Variants in DOCK3 observed in about 807,000 individuals in gnomAD.
DOCK3 encodes the protein dedicator of cytokinesis protein 3.
DOCK3 carries 60 observed loss-of-function variants against 265.6 expected under a neutral mutation model. The observed-to-expected ratio is 0.23, with a 90% CI of 0.18 to 0.28. The LOEUF is 0.28. Ranked by LOEUF, DOCK3 falls within the 10% of genes least tolerant of loss-of-function variation. DOCK3 has a pLI of 1.00. For synonymous variants in DOCK3, 881 were observed against 938.0 expected (o/e 0.94, Z 1.11); for missense variants, 1,981 against 2,594.3 (o/e 0.76, Z 5.14).
intron 2 of DOCK3, among the ~76,000 whole-genome samples, chr3:50,816,701 T>C (rs2044099174): frequency 6.6e-6 from 1 of 152,184 alleles, no homozygotes; most frequent in African/African-American, 2.4e-5. Flanking sequence ...TAATCTTTTC[T>C]ATGTCTTTAT....
chr3:51,146,412 A>G (rs1279445879), intron 9 of DOCK3, 137 bp from the exon 10 acceptor site: 1 of 777,992 alleles, frequency 1.3e-6, no homozygotes, highest in Non-Finnish European at 2.1e-6. Flanking sequence ...TCCTGCCACT[A>G]GACGTGTGTT....
At chr3:51,070,596 A>G (rs572390032) in intron 6 of DOCK3, among the ~76,000 whole-genome samples, 1 of 152,350 alleles carries the variant, frequency 6.6e-6, no homozygotes, top group Non-Finnish European at 1.5e-5. Flanking sequence ...TATATGTTAT[A>G]TAAATGTAAA....
At chr3:51,005,376 C>T (rs1256571282) in intron 5 of DOCK3, among the ~76,000 whole-genome samples, 1 of 152,140 alleles carries the variant, frequency 6.6e-6, no homozygotes, top group African/African-American at 2.4e-5. Context: ...TATACCCAAT[C>T]CTGCCACTGT....
chr3:51,137,841 T>G (rs1441360716), intron 9 of DOCK3, among the ~76,000 whole-genome samples: 1 of 152,238 alleles, frequency 6.6e-6, no homozygotes, highest in African/African-American at 2.4e-5. Flanking sequence ...AGAGATCAGA[T>G]AGTAACTTAG....
intron 3 of DOCK3, among the ~76,000 whole-genome samples, chr3:50,862,963 G>A (rs1049621101): frequency 1.3e-5 from 2 of 152,202 alleles, no homozygotes; most frequent in Admixed American, 6.5e-5. Context: ...TGCAACAATC[G>A]ATGGGAGCAG....
chr3:51,306,387 T>TA (rs1172447973), intron 27 of DOCK3, among the ~76,000 whole-genome samples: 1 of 152,256 alleles, frequency 6.6e-6, no homozygotes, highest in Non-Finnish European at 1.5e-5. Flanking sequence ...AATGTGGCTC[T>TA]ATGCGAATCT....
At chr3:51,305,301 T>A (rs765683535) in intron 27 of DOCK3, among the ~76,000 whole-genome samples, 15 of 152,342 alleles carry the variant, frequency 9.8e-5, no homozygotes, top group African/African-American at 3.6e-4. Flanking sequence ...TTTATCATTA[T>A]AAAAATATCC....
intron 7 of DOCK3, among the ~76,000 whole-genome samples, chr3:51,084,065 G>C (rs1446390534): frequency 2.0e-5 from 3 of 152,078 alleles, no homozygotes; most frequent in African/African-American, 7.2e-5. Context: ...AGAAAAAAGA[G>C]TAAAGAAAGC....
intron 19 of DOCK3, among the ~76,000 whole-genome samples, chr3:51,233,361 T>TCTATCTATTTA (rs141212241): frequency 9.6e-5 from 1 of 10,424 alleles, no homozygotes; most frequent in African/African-American, 1.9e-4. Flanking sequence ...TATCTATCTA[T>TCTATCTATTTA]TTATTTATTT....
intron 1 of DOCK3, among the ~76,000 whole-genome samples, chr3:50,704,070 T>C (rs1246487194): frequency 1.3e-5 from 2 of 152,182 alleles, no homozygotes; most frequent in African/African-American, 4.8e-5. Context: ...TTAATTTTCA[T>C]TTATTTGTAC....
At chr3:50,876,301 A>G (rs754393340) in intron 3 of DOCK3, among the ~76,000 whole-genome samples, 17 of 152,202 alleles carry the variant, frequency 1.1e-4, no homozygotes, top group Non-Finnish European at 1.8e-4. Flanking sequence ...AGAGCAATAA[A>G]TCTTCCATAC....
intron 2 of DOCK3, among the ~76,000 whole-genome samples, chr3:50,825,308 C>T (rs1054333076): frequency 2.0e-5 from 3 of 152,150 alleles, no homozygotes; most frequent in South Asian, 2.1e-4. Flanking sequence ...TGGAAACTGT[C>T]GCTTAGTAGA....
intron 5 of DOCK3, among the ~76,000 whole-genome samples, chr3:51,019,191 A>C (rs2079484285): frequency 4.0e-5 from 6 of 151,824 alleles, no homozygotes; most frequent in Admixed American, 3.9e-4. Context: ...GTTTTTAAGA[A>C]ATCTTTGTTT....
intron 1 of DOCK3, among the ~76,000 whole-genome samples, chr3:50,772,553 T>C (rs1368374404): frequency 2.0e-5 from 3 of 152,216 alleles, no homozygotes; most frequent in Non-Finnish European, 2.9e-5. Flanking sequence ...ACATCCCGTG[T>C]ATACCATAAG....
Position 51,361,493 on chromosome 3 carries a change from G to C in DOCK3, c.5007-366G>C, listed in dbSNP as rs1010799121. 7.9e-5 allele frequency among the ~76,000 whole-genome samples: 12 copies of C among 151,390 alleles called. No homozygotes were observed. The highest frequency in any genetic ancestry group is 4.2e-4 in the South Asian group (2 of 4,772). Reference sequence around the variant, plus strand: ...ATGGTGTGGGGGGGTTGGGGGGTGGGCACTGACCCAGACTAATACCCCATA... The same window carrying C: ...ATGGTGTGGGGGGGTTGGGGGGTGGCCACTGACCCAGACTAATACCCCATA... On this transcript the variant is annotated intron_variant, in intron 47 of 52. Coordinates refer to ENST00000266037, the MANE Select transcript of DOCK3 (RefSeq NM_004947.5). The surrounding 1 kb of genome is among the most constrained non-coding windows in gnomAD (Gnocchi z 4.2).
chr3:50,984,563 T>A (rs985205974), intron 5 of DOCK3, among the ~76,000 whole-genome samples: 1 of 152,214 alleles, frequency 6.6e-6, no homozygotes. Context: ...TATCCTGGCT[T>A]AAGGAGAAAA....
chr3:50,888,066 A>C (rs984101964), intron 3 of DOCK3, among the ~76,000 whole-genome samples: 1 of 152,162 alleles, frequency 6.6e-6, no homozygotes, highest in African/African-American at 2.4e-5. Flanking sequence ...GAGGAAGTCA[A>C]ATTGTCCCTG....
chr3:51,309,042 C>T lies in DOCK3; in HGVS notation c.2923-1190C>T, dbSNP rs561030392. 2.9e-3 allele frequency among the ~76,000 whole-genome samples: 433 copies of T among 151,334 alleles called. 1 individual carries two copies. Among genetic ancestry groups the T allele is most frequent in the Non-Finnish European group, 5.2e-3 (351 of 67,864 alleles). ...CAGACGATGGGTGGCCGGGCAGAGA[C>T]GCTTCTCACTTCCTAGATGGGATGG... On this transcript the variant is annotated intron_variant, in intron 27 of 52. Coordinates refer to ENST00000266037, the MANE Select transcript of DOCK3 (RefSeq NM_004947.5).
chr3:50,864,892 G>GT (rs374904232), intron 3 of DOCK3, among the ~76,000 whole-genome samples: 38 of 149,474 alleles, frequency 2.5e-4, no homozygotes, highest in African/African-American at 5.1e-4. Flanking sequence ...TCCAGGCTTG[G>GT]TTTTTTTTTC....
Sources: gnomAD v4.1 joint callset for allele counts (sites outside exome capture counted in the v4.1 genomes callset) on GRCh38, gnomAD v4.1.1 for gene constraint, Gnocchi (gnomAD v3.1) non-coding constraint, MANE v1.5 for transcripts, NCBI Gene and HGNC (gene_info 2026-07-23, HGNC 2026-07-21) for gene names.